BAZ2B: variants seen among roughly 807,000 people sequenced by gnomAD.
BAZ2B encodes the protein bromodomain adjacent to zinc finger domain 2B.
In BAZ2B, 91 loss-of-function variants were observed where a neutral mutation model predicts 246.0. The ratio of observed to expected loss-of-function variants is 0.37; its 90% CI spans 0.31 to 0.44. The LOEUF is 0.44. Among genes scored for constraint, BAZ2B ranks in the 20% least tolerant of loss-of-function variants. BAZ2B has a pLI of 1.00. For synonymous variants in BAZ2B, 855 were observed against 860.0 expected (o/e 0.99, Z 0.10); for missense variants, 2,332 against 2,533.7 (o/e 0.92, Z 1.71).
chr2:159,573,927 C>T (rs531035570), intron 1 of BAZ2B, among the ~76,000 whole-genome samples: 25 of 152,154 alleles, frequency 1.6e-4, no homozygotes, highest in Admixed American at 5.9e-4. Flanking sequence ...TGGCAAAATC[C>T]CTTACCTACA....
At chr2:159,410,571 C>A (rs1233537962) in intron 14 of BAZ2B, among the ~76,000 whole-genome samples, 1 of 152,104 alleles carries the variant, frequency 6.6e-6, no homozygotes, top group Non-Finnish European at 1.5e-5. Flanking sequence ...CTGAGGCCTC[C>A]CCAGCCATGC....
At chr2:159,600,461 T>G (rs1339886731) in intron 1 of BAZ2B, among the ~76,000 whole-genome samples, 3 of 152,118 alleles carry the variant, frequency 2.0e-5, no homozygotes, top group Non-Finnish European at 4.4e-5. Context: ...ATTCTCAACT[T>G]CCAATTGCAA....
chr2:159,589,469 C>T (rs1688793595), intron 1 of BAZ2B, among the ~76,000 whole-genome samples: 1 of 151,748 alleles, frequency 6.6e-6, no homozygotes, highest in Admixed American at 6.6e-5. Context: ...ATCAGCCACA[C>T]TGTGAGGAAA....
intron 34 of BAZ2B, 104 bp from the exon 35 acceptor site, chr2:159,326,022 A>T (rs1339201825): frequency 1.0e-6 from 1 of 972,912 alleles, no homozygotes; most frequent in African/African-American, 1.7e-5. Context: ...TAAAAAGAAT[A>T]ACTCTGATCT....
At chr2:159,372,383 C>T (rs776355598) in intron 27 of BAZ2B, among the ~76,000 whole-genome samples, 2 of 152,156 alleles carry the variant, frequency 1.3e-5, no homozygotes, top group Admixed American at 6.5e-5. Flanking sequence ...CTTTTGTCCC[C>T]ATCAGAATTT....
intron 20 of BAZ2B, 104 bp from the exon 21 acceptor site, chr2:159,389,589 C>G: frequency 9.8e-7 from 1 of 1,018,230 alleles, no homozygotes; most frequent in Non-Finnish European, 1.3e-6. Flanking sequence ...TTTCATTAAT[C>G]TTACTCTCTA....
rs772042121 is a variant in BAZ2B at position 159,453,611 on chromosome 2, AC to A, written c.334+1del. The A allele has an allele frequency of 1.3e-6, 2 of 1,598,830 alleles. No homozygotes were observed. Among genetic ancestry groups the A allele is most frequent in the East Asian group, 4.5e-5 (2 of 44,270 alleles). On this transcript the variant is annotated splice_donor_variant, in intron 4 of 36. Coordinates refer to ENST00000392783, the MANE Select transcript of BAZ2B (RefSeq NM_013450.4). LOFTEE classifies it high-confidence loss of function. ...TGAACACTGTTTGTAACAGATGTTTACCTGGAAAAGATGCTAGTTGGGGATG... is the reference window on the plus strand; with the variant it reads ...TGAACACTGTTTGTAACAGATGTTTACTGGAAAAGATGCTAGTTGGGGATG...
At position 159,434,410 on chromosome 2, in the gene BAZ2B, T is replaced by C. The variant is rs541505525; in HGVS notation, c.1294-1047A>G. 177 of 152,360 alleles carry C rather than the reference T, an allele frequency of 1.2e-3. 9 individuals are homozygous for C. The South Asian group carries it at 0.036, about 31-fold the overall frequency. 9.4% of individuals were successfully genotyped at this position (152,360 alleles called of 1,614,324 possible). ...TCTTGACCTCGTGATCCACCTGCCT[T>C]GGCCTCCCAAAGTGCTGGGATTACA... On this transcript the variant is annotated intron_variant, in intron 8 of 36. Coordinates refer to ENST00000392783, the MANE Select transcript of BAZ2B (RefSeq NM_013450.4).
In BAZ2B at chr2:159,438,500, C is replaced by G; in HGVS notation, c.1096G>C (p.Glu366Gln). ...FIFQSSQAKE[E>Q]SVNKHTSVIQ... ...ACACTGGTGTGTTTGTTCACAGATT[C>G]CTCCTTTGCCTGAGAGCTTTGGAAA... Residue 366 changes from glutamate (E) to glutamine (Q), a missense_variant, in exon 8 of 37, where the codon GAA (glutamate) becomes CAA (glutamine). By Grantham distance (29) the Glu-to-Gln change is conservative. Coordinates refer to ENST00000392783, the MANE Select transcript of BAZ2B (RefSeq NM_013450.4). 1 of 1,614,110 alleles carries G rather than the reference C, an allele frequency of 6.2e-7. No individual in the cohort carries two copies. The highest frequency in any genetic ancestry group is 8.5e-7 in the Non-Finnish European group (1 of 1,180,010).
At chr2:159,641,763 A>G in the BAZ2B span, among the ~76,000 whole-genome samples, 4 of 152,116 alleles carry the variant, frequency 2.6e-5, no homozygotes, top group African/African-American at 4.8e-5. Context: ...TCCAGTTTCA[A>G]TCTTCTGCAT....
the BAZ2B span, among the ~76,000 whole-genome samples, chr2:159,684,226 T>C: frequency 6.6e-6 from 1 of 152,194 alleles, no homozygotes; most frequent in Non-Finnish European, 1.5e-5. Context: ...TGACGAATAT[T>C]TGTGCTGTTT....
At chr2:159,366,382 G>C (rs1195305075) in intron 27 of BAZ2B, among the ~76,000 whole-genome samples, 2 of 152,180 alleles carry the variant, frequency 1.3e-5, no homozygotes, top group Non-Finnish European at 1.5e-5. Flanking sequence ...TTATGTGAAA[G>C]GCATGCTTAC....
At chr2:159,452,383 T>C (rs2075209120) in intron 4 of BAZ2B, among the ~76,000 whole-genome samples, 2 of 152,194 alleles carry the variant, frequency 1.3e-5, no homozygotes, top group Admixed American at 1.3e-4. Flanking sequence ...ATGACTTAAC[T>C]CCTTTAATCC....
chr2:159,335,632 T>G (rs1042100726), intron 33 of BAZ2B, among the ~76,000 whole-genome samples: 2 of 151,876 alleles, frequency 1.3e-5, no homozygotes, highest in African/African-American at 4.8e-5. Context: ...TGCAGATTCA[T>G]AGATGTTTTA....
the BAZ2B span, among the ~76,000 whole-genome samples, chr2:159,639,052 A>G: frequency 6.6e-6 from 1 of 152,310 alleles, no homozygotes; most frequent in East Asian, 1.9e-4. Context: ...CTGGCAGCAC[A>G]CTTTTCAATG....
At chr2:159,397,168 C>G (rs755410219) in intron 19 of BAZ2B, 177 bp downstream of exon 19, 9 of 1,432,628 alleles carry the variant, frequency 6.3e-6, no homozygotes, top group Non-Finnish European at 4.7e-6. Context: ...ATTTTTTAAC[C>G]CCCCAAAAAG....
At chr2:159,541,361 C>G (rs2086643906) in intron 2 of BAZ2B, among the ~76,000 whole-genome samples, 1 of 151,908 alleles carries the variant, frequency 6.6e-6, no homozygotes, top group Non-Finnish European at 1.5e-5. Context: ...TCACTGCAAC[C>G]TCTGTCTCTT....
At chr2:159,496,619 C>T (rs1234794727) in intron 2 of BAZ2B, among the ~76,000 whole-genome samples, 1 of 150,538 alleles carries the variant, frequency 6.6e-6, no homozygotes, top group East Asian at 2.0e-4. Flanking sequence ...CCCATCTCTA[C>T]TAAAAACACA....
chr2:159,612,749 C>G (rs890336430), intron 1 of BAZ2B, among the ~76,000 whole-genome samples: 1 of 152,096 alleles, frequency 6.6e-6, no homozygotes, highest in Non-Finnish European at 1.5e-5. Flanking sequence ...TTCTTAGCAG[C>G]TCCATGAAAT....
Sources: allele counts gnomAD v4.1 joint callset (sites outside exome capture counted in the v4.1 genomes callset), GRCh38; gene constraint gnomAD v4.1.1; transcripts MANE v1.5; gene names NCBI Gene and HGNC (gene_info 2026-07-23, HGNC 2026-07-21).